The following CNTNAP3B variants were observed in gnomAD, a reference collection of about 807,000 sequenced individuals.
CNTNAP3B encodes the protein contactin associated protein family member 3B.
In CNTNAP3B, 25 loss-of-function variants were observed where a neutral mutation model predicts 108.9. The ratio of observed to expected loss-of-function variants is 0.23; its 90% confidence interval spans 0.17 to 0.32. CNTNAP3B has a LOEUF of 0.32. Among genes scored for constraint, CNTNAP3B ranks in the 10% least tolerant of loss-of-function variants. The probability of loss-of-function intolerance (pLI) is 1.00; values close to 1 mark genes in which losing one functional copy is unlikely to be tolerated. For missense variants in CNTNAP3B, 252 were observed against 1,210.4 expected, an observed-to-expected ratio of 0.21 and a Z score of 11.75; for synonymous variants, 103 against 473.4, an observed-to-expected ratio of 0.22 and a Z score of 10.16.
intron 13 of CNTNAP3B, among the ~76,000 whole-genome samples, chr9:41,942,382 G>A (rs1254275214): frequency 7.2e-5 from 11 of 152,320 alleles, no homozygotes; most frequent in East Asian, 5.8e-4. Flanking sequence ...AGGCTGAGGC[G>A]GGCGGATCAC....
intron 2 of CNTNAP3B, among the ~76,000 whole-genome samples, chr9:42,081,431 G>A (rs1247282635): frequency 1.4e-5 from 2 of 141,116 alleles, no homozygotes; most frequent in African/African-American, 5.6e-5. Flanking sequence ...TGGAAAACAA[G>A]GGAAAAGAGG....
At chr9:41,927,118 A>ACTGGCCCTTGAGC in intron 15 of CNTNAP3B, among the ~76,000 whole-genome samples, 2 of 152,246 alleles carry the variant, frequency 1.3e-5, no homozygotes, top group African/African-American at 4.8e-5. Flanking sequence ...TAAATCAGAT[A>ACTGGCCCTTGAGC]CAATTCAACA....
intron 3 of CNTNAP3B, among the ~76,000 whole-genome samples, chr9:42,056,326 T>TTTATTATTATTATTATTA (rs199830117): frequency 3.1e-5 from 4 of 129,126 alleles, no homozygotes; most frequent in African/African-American, 1.2e-4. Flanking sequence ...TCTCATGAAT[T>TTTATTATTATTATTATTA]TTATTATTAT....
chr9:42,029,512 A>T (rs1021721203), intron 3 of CNTNAP3B, among the ~76,000 whole-genome samples: 1 of 125,180 alleles, frequency 8.0e-6, no homozygotes, highest in Non-Finnish European at 1.6e-5. Context: ...AAACCAACAA[A>T]GTATGATCAC....
At chr9:41,961,108 C>T (rs1405628834) in intron 11 of CNTNAP3B, among the ~76,000 whole-genome samples, 1 of 152,304 alleles carries the variant, frequency 6.6e-6, no homozygotes, top group Non-Finnish European at 1.5e-5. Flanking sequence ...ATTACCTAGT[C>T]AAAATACATT....
At chr9:41,933,748 A>T (rs1463250378) in intron 14 of CNTNAP3B, among the ~76,000 whole-genome samples, 2 of 152,274 alleles carry the variant, frequency 1.3e-5, no homozygotes, top group Non-Finnish European at 2.9e-5. Flanking sequence ...ACTTTTCATC[A>T]CTTACATCTA....
chr9:42,118,765 A>G (rs1828382841), intron 1 of CNTNAP3B, among the ~76,000 whole-genome samples: 1 of 115,384 alleles, frequency 8.7e-6, no homozygotes, highest in Non-Finnish European at 1.8e-5. Context: ...ATGATTGTGT[A>G]TTTAGAAAAC....
intron 7 of CNTNAP3B, chr9:41,994,816 C>A (rs1157195628): frequency 2.3e-5 from 5 of 221,392 alleles, no homozygotes; most frequent in South Asian, 2.7e-5. Context: ...ATGTTTCCAA[C>A]AATACAAATA....
At chr9:41,928,471 T>C (rs1823880750) in intron 15 of CNTNAP3B, among the ~76,000 whole-genome samples, 1 of 151,934 alleles carries the variant, frequency 6.6e-6, no homozygotes, top group Admixed American at 6.6e-5. Context: ...GATAGTGATG[T>C]TGTGTTCTCT....
chr9:42,029,644 C>A (rs1376736541), intron 3 of CNTNAP3B, among the ~76,000 whole-genome samples: 1 of 123,746 alleles, frequency 8.1e-6, no homozygotes, highest in East Asian at 2.7e-4. Context: ...GATTCTCCTG[C>A]CTCAGCCTCC....
At position 41,893,960 on chromosome 9, in the gene CNTNAP3B, G is replaced by T. The variant is rs1268866044; in HGVS notation, c.*29C>A. The T allele has an allele frequency of 1.4e-5, 2 of 145,678 alleles. No homozygotes were observed. Among genetic ancestry groups the T allele is most frequent in the East Asian group, 9.0e-5 (1 of 11,110 alleles). 9.0% of individuals were successfully genotyped at this position (145,678 alleles called of 1,614,324 possible). ...TTCTGGTTTTCATGGACTGCGTTTT[G>T]CACATCGAGCTCACTGTTTAGAGCT... On this transcript the variant is annotated 3_prime_UTR_variant, in exon 24 of 24. Transcript: ENST00000377561.
rs550126736 is a variant in CNTNAP3B at position 42,113,439 on chromosome 9, C to T, written c.86-8700G>A. Among the ~76,000 whole-genome samples the T allele has an allele frequency of 3.7e-4, 52 of 139,486 alleles. 10 individuals are homozygous for T. Among genetic ancestry groups the T allele is most frequent in the Non-Finnish European group, 6.0e-4 (39 of 64,968 alleles). The allele number at this position is 139,486 out of a possible 152,430, so 91.5% of individuals were successfully genotyped here. A position where few individuals can be genotyped will look rare whatever the true frequency, so the allele number is the denominator to read the frequency against. On this transcript the variant is annotated intron_variant, in intron 1 of 23. Coordinates refer to ENST00000377561, the MANE Select transcript of CNTNAP3B (RefSeq NM_001201380.3). ...TAAAGTATATAATACGAGAATAAGA[C>T]GAACCTATTTTTTTGAGACTTACTG...
rs1294609242 is a variant in CNTNAP3B, at chr9:42,115,786, T to A, written c.86-11047A>T. Among the ~76,000 whole-genome samples the A allele has an allele frequency of 3.4e-5, 4 of 118,752 alleles. 2 individuals are homozygous for A. The highest frequency in any genetic ancestry group is 1.4e-4 in the African/African-American group (4 of 27,958). 77.9% of individuals were successfully genotyped at this position (118,752 alleles called of 152,430 possible). A position where few individuals can be genotyped will look rare whatever the true frequency, so the allele number is the denominator to read the frequency against. On this transcript the variant is annotated intron_variant, in intron 1 of 23. Transcript: ENST00000377561. ...GAAACCAGAGCAGAAAAGCTGAAAA[T>A]TCTAAAAATCAGAGCACCTCTTCTC...
At chr9:41,967,177 G>T (rs907249192) in intron 10 of CNTNAP3B, among the ~76,000 whole-genome samples, 26 of 151,524 alleles carry the variant, frequency 1.7e-4, no homozygotes, top group Non-Finnish European at 1.8e-4. Context: ...ATATGGTTTG[G>T]CTGTGTCCCC....
intron 12 of CNTNAP3B, among the ~76,000 whole-genome samples, chr9:41,958,361 T>A (rs1320884127): frequency 6.6e-6 from 1 of 152,304 alleles, no homozygotes; most frequent in Non-Finnish European, 1.5e-5. Context: ...TTGCCCAGAC[T>A]GGTCTCAAAA....
intron 3 of CNTNAP3B, among the ~76,000 whole-genome samples, chr9:42,028,834 C>T (rs1307922275): frequency 6.6e-6 from 1 of 151,528 alleles, no homozygotes. Context: ...TAGAATCCAG[C>T]CATATACATC....
At chr9:41,933,736 A>T (rs1228960093) in intron 14 of CNTNAP3B, among the ~76,000 whole-genome samples, 2 of 152,280 alleles carry the variant, frequency 1.3e-5, no homozygotes, top group Non-Finnish European at 2.9e-5. Flanking sequence ...TTTCTTTTCC[A>T]AACTTTTCAT....
At chr9:42,087,320 G>T (rs1405477598) in intron 2 of CNTNAP3B, among the ~76,000 whole-genome samples, 1 of 135,224 alleles carries the variant, frequency 7.4e-6, no homozygotes, top group Non-Finnish European at 1.6e-5. Context: ...TGTTGGGTCT[G>T]CTAAGACTAC....
intron 18 of CNTNAP3B, among the ~76,000 whole-genome samples, chr9:41,917,921 G>T (rs1289051276): frequency 1.3e-5 from 2 of 152,290 alleles, no homozygotes; most frequent in Admixed American, 6.5e-5. Context: ...GGATGGGGAG[G>T]TGCAGGGAGA....
Sources: gnomAD v4.1 joint callset for allele counts (sites outside exome capture counted in the v4.1 genomes callset) on GRCh38, gnomAD v4.1.1 for gene constraint, MANE v1.5 for transcripts, NCBI Gene and HGNC (gene_info 2026-07-23, HGNC 2026-07-21) for gene names.